The following CRTAC1 variants were observed in gnomAD, a reference collection of about 807,000 sequenced individuals.
CRTAC1 encodes the protein cartilage acidic protein 1.
CRTAC1 carries 37 observed loss-of-function variants against 67.8 expected under a neutral mutation model. The observed-to-expected ratio is 0.55, with a 90% CI of 0.42 to 0.72. The LOEUF is 0.72. CRTAC1 is among the 30% of genes least tolerant of loss of function. The probability of loss-of-function intolerance (pLI) is 0.00; values close to 1 mark genes in which losing one functional copy is unlikely to be tolerated. For synonymous variants in CRTAC1, 348 were observed against 371.0 expected (o/e 0.94, Z 0.71); for missense variants, 780 against 931.6 (o/e 0.84, Z 2.12).
chr10:97,953,159 C>G (rs926403979), intron 2 of CRTAC1, among the ~76,000 whole-genome samples: 1 of 152,148 alleles, frequency 6.6e-6, no homozygotes, highest in Admixed American at 6.5e-5. Context: ...TTGGCCCATT[C>G]CTCTGCAGCT....
chr10:97,929,104 T>C (rs545034747), intron 3 of CRTAC1, among the ~76,000 whole-genome samples: 1 of 151,684 alleles, frequency 6.6e-6, no homozygotes, highest in East Asian at 2.0e-4. Flanking sequence ...CTGTCCAAAA[T>C]GTGGAAACAG....
intron 14 of CRTAC1, among the ~76,000 whole-genome samples, chr10:97,874,331 C>T (rs752969280): frequency 6.6e-6 from 1 of 152,338 alleles, no homozygotes; most frequent in African/African-American, 2.4e-5. Context: ...GACCTCTGCT[C>T]TGTATGGCCC....
rs181442763 is a variant in CRTAC1, at chr10:97,934,877, G to A, written c.421+1293C>T. Among the ~76,000 whole-genome samples, 339 of 150,514 alleles carry A rather than the reference G, an allele frequency of 2.3e-3. 1 individual carries two copies. The highest frequency in any genetic ancestry group is 3.4e-3 in the Non-Finnish European group (233 of 67,772). ...AGGGACACTGTGACCTGGGACTTCC[G>A]CAGAGATGTTACAGCCCCACAGGCC... On this transcript the variant is annotated intron_variant, in intron 3 of 14. Coordinates refer to ENST00000370597, the MANE Select transcript of CRTAC1 (RefSeq NM_018058.7).
At chr10:97,961,106 G>A (rs1040874255) in intron 2 of CRTAC1, among the ~76,000 whole-genome samples, 1 of 152,016 alleles carries the variant, frequency 6.6e-6, no homozygotes, top group African/African-American at 2.4e-5. Flanking sequence ...AGCAACACTA[G>A]CCTGAGAATG....
intron 2 of CRTAC1, among the ~76,000 whole-genome samples, chr10:97,992,069 C>T (rs894234678): frequency 6.6e-6 from 1 of 152,188 alleles, no homozygotes; most frequent in Non-Finnish European, 1.5e-5. Flanking sequence ...GTCCAGGAAT[C>T]AGGTGCTGAA....
chr10:97,904,785 C>G lies in CRTAC1; in HGVS notation c.880G>C (p.Gly294Arg). The stretch of plus-strand genomic sequence containing the variant: ...CGGTTGAAGTCAGCCAGGGCGACAC[C>G]TCGCCCATGCTGGTGGGGGTCGTCC... ...GVDDPHQHGRGVALADFNRDG... is the reference protein window; with the variant it reads ...GVDDPHQHGRRVALADFNRDG... The change falls in exon 7 of 15, where the codon GGT (glycine) becomes CGT (arginine). Residue 294 changes from glycine (G) to arginine (R), a missense_variant. Transcript: ENST00000370597. 6.2e-7 allele frequency: 1 copy of G among 1,603,038 alleles called. No homozygotes were observed. Among genetic ancestry groups the G allele is most frequent in the Non-Finnish European group, 8.5e-7 (1 of 1,175,490 alleles).
At chr10:98,008,788 T>C (rs1463797751) in intron 2 of CRTAC1, among the ~76,000 whole-genome samples, 1 of 152,090 alleles carries the variant, frequency 6.6e-6, no homozygotes, top group Non-Finnish European at 1.5e-5. Context: ...TAGTAGCAAC[T>C]TGGGGGGCGA....
chr10:98,007,021 A>T (rs1456812521), intron 2 of CRTAC1, among the ~76,000 whole-genome samples: 2 of 152,234 alleles, frequency 1.3e-5, no homozygotes, highest in East Asian at 3.8e-4. Context: ...TCCACATAGG[A>T]TGAAAGGCAG....
chr10:97,910,790 A>T (rs1047733956), intron 5 of CRTAC1, among the ~76,000 whole-genome samples: 2 of 152,132 alleles, frequency 1.3e-5, no homozygotes, highest in African/African-American at 4.8e-5. Context: ...CAGGGAGATG[A>T]GGTGGGGCGA....
intron 1 of CRTAC1, among the ~76,000 whole-genome samples, chr10:98,025,909 A>G (rs560870765): frequency 1.3e-5 from 2 of 152,300 alleles, no homozygotes; most frequent in African/African-American, 4.8e-5. Context: ...GCATGGCAGA[A>G]CCCCAAAGTG....
At chr10:97,916,167 C>A (rs1032946334) in intron 5 of CRTAC1, among the ~76,000 whole-genome samples, 2 of 151,564 alleles carry the variant, frequency 1.3e-5, no homozygotes, top group South Asian at 2.1e-4. Context: ...AGTGCACCCC[C>A]CTTCCCTTGC....
chr10:98,025,575 T>C (rs1466977859), intron 1 of CRTAC1, among the ~76,000 whole-genome samples: 2 of 152,236 alleles, frequency 1.3e-5, no homozygotes, highest in African/African-American at 4.8e-5. Flanking sequence ...ATTTCTTAAA[T>C]GCCCTAAATG....
At position 97,865,552 on chromosome 10, in the gene CRTAC1, C is replaced by T. The variant is rs1315590638; in HGVS notation, c.1982G>A (p.Cys661Tyr). Residue 661 changes from cysteine (C) to tyrosine (Y), a missense_variant, in exon 15 of 15, where the codon TGC becomes TAC. Transcript: ENST00000370597. ...SVVKESCEPS[C>Y] ...TGGTTCATGTCCCACCCCTGCTCAG[C>T]AGCTGGGCTCGCAGCTCTCCTTAAC... is the stretch of plus-strand genomic sequence containing the variant. 1.9e-6 allele frequency: 3 copies of T among 1,606,982 alleles called. No homozygotes were observed. In the South Asian group the frequency reaches 3.3e-5, roughly 18 times the overall value.
chr10:97,996,764 G>T (rs1167096944), intron 2 of CRTAC1, among the ~76,000 whole-genome samples: 1 of 152,040 alleles, frequency 6.6e-6, no homozygotes, highest in Non-Finnish European at 1.5e-5. Flanking sequence ...AAATCATGCT[G>T]CTATAAAGAC....
intron 14 of CRTAC1, 97 bp from the exon 15 acceptor site, chr10:97,865,811 T>G: frequency 5.1e-5 from 33 of 648,828 alleles, no homozygotes; most frequent in East Asian, 1.2e-4. Flanking sequence ...GGGCTCACCC[T>G]GCTGCCCGGG....
chr10:97,980,812 A>G (rs1383970860), intron 2 of CRTAC1, among the ~76,000 whole-genome samples: 1 of 152,238 alleles, frequency 6.6e-6, no homozygotes, highest in Non-Finnish European at 1.5e-5. Context: ...TTTAAGTGCC[A>G]CACACATGCA....
intron 14 of CRTAC1, chr10:97,879,615 C>T: frequency 6.6e-7 from 1 of 1,513,524 alleles, no homozygotes; most frequent in Non-Finnish European, 8.9e-7. Context: ...AGACAAGCAG[C>T]AGGAGAGAGA....
chr10:97,938,263 CT>C (rs2051120879), intron 2 of CRTAC1, among the ~76,000 whole-genome samples: 1 of 152,210 alleles, frequency 6.6e-6, no homozygotes. Flanking sequence ...CTGTCAGCAG[CT>C]GGCTCCAGTG....
At chr10:97,918,411 G>C (rs1445743242) in intron 4 of CRTAC1, among the ~76,000 whole-genome samples, 3 of 152,202 alleles carry the variant, frequency 2.0e-5, no homozygotes, top group East Asian at 3.9e-4. Context: ...TTATTATAAT[G>C]GTGCTATTTC....
Sources: gnomAD v4.1 joint callset for allele counts (sites outside exome capture counted in the v4.1 genomes callset) on GRCh38, gnomAD v4.1.1 for gene constraint, MANE v1.5 for transcripts, NCBI Gene and HGNC (gene_info 2026-07-23, HGNC 2026-07-21) for gene names.